The following HDAC7 variants were observed in gnomAD, a reference collection of about 807,000 sequenced individuals.
HDAC7 encodes histone deacetylase 7A.
In HDAC7, 26 loss-of-function variants were observed where a neutral mutation model predicts 115.5. That is an observed-to-expected ratio of 0.23 (90% CI 0.16 to 0.31). The LOEUF is 0.31. Among genes scored for constraint, HDAC7 ranks in the 10% least tolerant of loss-of-function variants. The probability of loss-of-function intolerance (pLI) is 1.00; values close to 1 mark genes in which losing one functional copy is unlikely to be tolerated. For synonymous variants in HDAC7, 564 were observed against 550.9 expected (o/e 1.02, Z -0.33); for missense variants, 1,068 against 1,329.0 (o/e 0.80, Z 3.05).
intron 13 of HDAC7, chr12:47,792,731 A>C (rs929797095): frequency 1.8e-4 from 82 of 452,470 alleles, no homozygotes; most frequent in African/African-American, 4.0e-5. Context: ...AATAAGCTAT[A>C]ATCTAAATGT....
chr12:47,802,156 G>T lies in HDAC7; in HGVS notation c.70+68C>A, dbSNP rs2525051. ...CTTCTCTAACCCCTCAGCTTCTCGCGTTCTTACAGCCTTTCCACCCCTCAT... is the reference window on the plus strand; with the variant it reads ...CTTCTCTAACCCCTCAGCTTCTCGCTTTCTTACAGCCTTTCCACCCCTCAT... On this transcript the variant is annotated intron_variant, in intron 2 of 25. Transcript: ENST00000080059. The T allele has an allele frequency of 3.3e-6, 5 of 1,504,098 alleles. No homozygotes were observed. In the Admixed American group the frequency reaches 5.7e-5, roughly 17 times the overall value. The allele number at this position is 1,504,098 out of a possible 1,614,324, so 93.2% of individuals were successfully genotyped here. A position where few individuals can be genotyped will look rare whatever the true frequency, so the allele number is the denominator to read the frequency against.
At chr12:47,789,425 C>T in intron 18 of HDAC7, 77 bp from the exon 19 acceptor site, 1 of 1,581,302 alleles carries the variant, frequency 6.3e-7, no homozygotes, top group Non-Finnish European at 8.7e-7. Flanking sequence ...GTTGGCCCAG[C>T]CTGAGAAAGC....
chr12:47,784,326 C>T (rs1943034436), intron 24 of HDAC7, 109 bp from the exon 25 acceptor site: 13 of 1,237,472 alleles, frequency 1.1e-5, no homozygotes, highest in South Asian at 1.6e-5. Flanking sequence ...CCCGGAGGAG[C>T]GGGCCTGTCC....
In HDAC7 at chr12:47,784,066, G is replaced by A. The variant is rs759630207; in HGVS notation, c.2930+13C>T. ...GAGAGGCTGTGGGCCCAGGGCCAGG[G>A]GTCTGGCATTACCTATCTTCAGCCA... On this transcript the variant is annotated intron_variant, in intron 25 of 25. Coordinates refer to ENST00000080059, the MANE Select transcript of HDAC7 (RefSeq NM_015401.5). The A allele has an allele frequency of 1.2e-6, 2 of 1,612,144 alleles. No individual in the cohort carries two copies. The highest frequency in any genetic ancestry group is 2.2e-5 in the East Asian group (1 of 44,842).
chr12:47,789,540 T>C lies in HDAC7; in HGVS notation c.2130A>G (p.Ala710=). ...FAVVRPPGHH[A]DHSTAMGFCF... The stretch of plus-strand genomic sequence containing the variant: ...AGCCTTACATGGCTGTTGAATGATC[T>C]GCATGGTGTCCTGGGGGCCGCACCA... The change falls in exon 18 of 26, where the codon GCA becomes GCG. Residue 710 remains alanine (A), a synonymous_variant. Coordinates refer to ENST00000080059, the MANE Select transcript of HDAC7 (RefSeq NM_015401.5). The C allele has an allele frequency of 3.1e-6, 5 of 1,614,214 alleles. No homozygotes were observed. Among genetic ancestry groups the C allele is most frequent in the Non-Finnish European group, 4.2e-6 (5 of 1,180,024 alleles).
rs992077008 is a variant in HDAC7, at chr12:47,819,795, G to C, written c.-10C>G. 4 of 559,014 alleles carry C rather than the reference G, an allele frequency of 7.2e-6. No individual in the cohort carries two copies. Among genetic ancestry groups the C allele is most frequent in the South Asian group, 1.5e-4 (2 of 13,394 alleles). The allele number at this position is 559,014 out of a possible 1,614,324, so 34.6% of individuals were successfully genotyped here. On this transcript the variant is annotated 5_prime_UTR_variant, in exon 1 of 26. Coordinates refer to ENST00000080059, the MANE Select transcript of HDAC7 (RefSeq NM_015401.5). The stretch of plus-strand genomic sequence containing the variant: ...CGCCGGGGCTGTGCATCCAGGGGCC[G>C]GGGCCCTCAGAGCGGGGGGCTCATG...
At position 47,797,245 on chromosome 12, in the gene HDAC7, C is replaced by A; in HGVS notation, c.578-103G>T. On this transcript the variant is annotated intron_variant, in intron 6 of 25. Coordinates refer to ENST00000080059, the MANE Select transcript of HDAC7 (RefSeq NM_015401.5). This position sits in a 1 kb window ranked among gnomAD's most constrained non-coding sequence, Gnocchi z 5.5. ...CTCTATCGGTCAAGGAAAGAGAAGG[C>A]AGAACTAGAAAGAAGATCCTAGCCT... is the stretch of plus-strand genomic sequence containing the variant. 2 of 1,561,702 alleles carry A rather than the reference C, an allele frequency of 1.3e-6. No individual in the cohort carries two copies. The highest frequency in any genetic ancestry group is 2.2e-5 in the East Asian group (1 of 44,522).
At chr12:47,816,351 T>A (rs1944849594) in intron 1 of HDAC7, among the ~76,000 whole-genome samples, 2 of 151,848 alleles carry the variant, frequency 1.3e-5, no homozygotes, top group African/African-American at 2.4e-5. Flanking sequence ...AAAAAACATG[T>A]CCATACATAT....
rs758755237 is a variant in HDAC7 at position 47,789,850 on chromosome 12, G to C, written c.2054C>G (p.Thr685Ser). The C allele has an allele frequency of 1.9e-6, 3 of 1,613,904 alleles. No individual in the cohort carries two copies. The highest frequency in any genetic ancestry group is 2.5e-6 in the Non-Finnish European group (3 of 1,179,996). ...AGAAGCCACTTTGAAGGCGAGGTCA[G>C]TGACACTGCCAGCGGCCCAGCGGGC... ...NAARWAAGSV[T>S]DLAFKVASRE... Residue 685 changes from threonine to serine, a missense_variant, in exon 17 of 26, where the codon ACT becomes AGT. Around this residue, in one of 6 missense-constraint regions of HDAC7, gnomAD observed 182 missense variants for 301.1 expected, o/e 0.60. Coordinates refer to ENST00000080059, the MANE Select transcript of HDAC7 (RefSeq NM_015401.5).
intron 12 of HDAC7, among the ~76,000 whole-genome samples, chr12:47,794,234 C>T (rs1943683602): frequency 6.6e-6 from 1 of 152,226 alleles, no homozygotes; most frequent in South Asian, 2.1e-4. Context: ...ACTCACAGCC[C>T]CCAGAAGGAA....
chr12:47,797,423 G>A lies in HDAC7; in HGVS notation c.538C>T (p.Pro180Ser). The A allele has an allele frequency of 6.2e-7, 1 of 1,614,184 alleles. No individual in the cohort carries two copies. Among genetic ancestry groups the A allele is most frequent in the Non-Finnish European group, 8.5e-7 (1 of 1,180,008 alleles). The change falls in exon 6 of 26, where the codon CCC becomes TCC. Residue 180 changes from proline (P) to serine (S), a missense_variant. Physicochemically the swap from Pro to Ser is moderately conservative, Grantham distance 74. Coordinates refer to ENST00000080059, the MANE Select transcript of HDAC7 (RefSeq NM_015401.5). The surrounding 1 kb of genome is among the most constrained non-coding windows in gnomAD (Gnocchi z 5.5). Reference sequence around the variant, plus strand: ...GGGAAGTGCTCTGGGGGGTCACTGGGCAGGCTGGGAACAGGAGGCAAAAAG... The same window carrying A: ...GGGAAGTGCTCTGGGGGGTCACTGGACAGGCTGGGAACAGGAGGCAAAAAG... ...SSFLPPVPSL[P>S]SDPPEHFPLR...
chr12:47,816,198 C>T (rs1944845479), intron 1 of HDAC7, among the ~76,000 whole-genome samples: 1 of 151,952 alleles, frequency 6.6e-6, no homozygotes. Flanking sequence ...GGCCCAGGAT[C>T]TTTATCTTTA....
chr12:47,800,831 G>A (rs1423305899), intron 2 of HDAC7, among the ~76,000 whole-genome samples: 2 of 152,210 alleles, frequency 1.3e-5, no homozygotes, highest in South Asian at 2.1e-4. Context: ...TGCCTCCACA[G>A]CAGAAGGGAA....
chr12:47,806,414 C>G (rs1458450806), intron 1 of HDAC7, among the ~76,000 whole-genome samples: 1 of 152,200 alleles, frequency 6.6e-6, no homozygotes, highest in South Asian at 2.1e-4. Context: ...AGGTGGCTCA[C>G]GCCTATAATC....
At chr12:47,809,702 C>T (rs1248582361) in intron 1 of HDAC7, among the ~76,000 whole-genome samples, 1 of 151,890 alleles carries the variant, frequency 6.6e-6, no homozygotes, top group Non-Finnish European at 1.5e-5. Context: ...TCCTAAGTAG[C>T]TGGGATTACA....
chr12:47,797,295 A>G lies in HDAC7; in HGVS notation c.577+89T>C. On this transcript the variant is annotated intron_variant, in intron 6 of 25. Coordinates refer to ENST00000080059, the MANE Select transcript of HDAC7 (RefSeq NM_015401.5). This position sits in a 1 kb window ranked among gnomAD's most constrained non-coding sequence, Gnocchi z 5.5. ...TACCGATGATCTCCTGGCCCAGCCC[A>G]GCCCGCCCACCCCTGCACACTCCTC... 14 of 696,492 alleles carry G rather than the reference A, an allele frequency of 2.0e-5. No individual in the cohort carries two copies. The highest frequency in any genetic ancestry group is 2.8e-5 in the Non-Finnish European group (12 of 433,626). 43.1% of individuals were successfully genotyped at this position (696,492 alleles called of 1,614,324 possible). A position where few individuals can be genotyped will look rare whatever the true frequency, so the allele number is the denominator to read the frequency against.
chr12:47,792,754 G>A, intron 13 of HDAC7: 1 of 437,828 alleles, frequency 2.3e-6, no homozygotes, highest in Non-Finnish European at 4.7e-6. Context: ...AACTGATAAG[G>A]GATCCCTCAG....
chr12:47,791,374 G>T, intron 15 of HDAC7, 66 bp from the exon 16 acceptor site: 1 of 1,477,500 alleles, frequency 6.8e-7, no homozygotes, highest in Non-Finnish European at 9.1e-7. Context: ...CAGGGAGCAG[G>T]GAGCCCAGAG....
intron 1 of HDAC7, among the ~76,000 whole-genome samples, chr12:47,802,912 T>C (rs1000452271): frequency 4.6e-5 from 7 of 152,124 alleles, no homozygotes; most frequent in African/African-American, 7.2e-5. Flanking sequence ...AAGGACCCCA[T>C]AGTGCAGACC....
Sources: gnomAD v4.1 joint callset for allele counts (sites outside exome capture counted in the v4.1 genomes callset) on GRCh38, gnomAD v4.1.1 for gene constraint, gnomAD v4.1.1 regional missense constraint, Gnocchi (gnomAD v3.1) non-coding constraint, MANE v1.5 for transcripts, NCBI Gene and HGNC (gene_info 2026-07-23, HGNC 2026-07-21) for gene names.